SPAST: variants seen among roughly 807,000 people sequenced by gnomAD.
SPAST encodes the protein spastic paraplegia 4 (autosomal dominant; spastin).
In SPAST, 30 loss-of-function variants were observed where a neutral mutation model predicts 76.6. The observed-to-expected ratio is 0.39, with a 90% CI of 0.29 to 0.53. SPAST has a LOEUF of 0.53. Ranked by LOEUF, SPAST falls within the 20% of genes least tolerant of loss-of-function variation. The probability of loss-of-function intolerance (pLI) is 0.68; values close to 1 mark genes in which losing one functional copy is unlikely to be tolerated. For synonymous variants in SPAST, 305 were observed against 281.0 expected, an observed-to-expected ratio of 1.09 and a Z score of -0.86; for missense variants, 717 against 770.5, an observed-to-expected ratio of 0.93 and a Z score of 0.82.
intron 1 of SPAST, among the ~76,000 whole-genome samples, chr2:32,066,287 C>CT (rs1676507851): frequency 6.6e-6 from 1 of 152,106 alleles, no homozygotes. Flanking sequence ...AAGCTCCATT[C>CT]TTTATCACCT....
chr2:32,110,364 C>T (rs895066456), intron 4 of SPAST, among the ~76,000 whole-genome samples: 15 of 149,144 alleles, frequency 1.0e-4, no homozygotes, highest in East Asian at 5.9e-4. Flanking sequence ...GTGATCCACC[C>T]GCCTCGGCCT....
chr2:32,138,610 T>C (rs770295474), intron 12 of SPAST, among the ~76,000 whole-genome samples: 2 of 152,174 alleles, frequency 1.3e-5, no homozygotes, highest in Non-Finnish European at 2.9e-5. Flanking sequence ...GTTCTGTAGA[T>C]TGTCTGTTTA....
intron 16 of SPAST, among the ~76,000 whole-genome samples, chr2:32,151,770 C>T (rs188004821): frequency 9.2e-5 from 14 of 152,090 alleles, no homozygotes; most frequent in African/African-American, 2.4e-4. Context: ...ATTAGCCGGG[C>T]GTGGTGGCAC....
chr2:32,123,120 G>C (rs1679071795), intron 7 of SPAST, among the ~76,000 whole-genome samples: 1 of 152,030 alleles, frequency 6.6e-6, no homozygotes, highest in Non-Finnish European at 1.5e-5. Context: ...AAATTAGCTG[G>C]GCATGGTGGC....
intron 4 of SPAST, among the ~76,000 whole-genome samples, chr2:32,101,407 T>C (rs1239375687): frequency 3.3e-5 from 5 of 152,216 alleles, no homozygotes; most frequent in African/African-American, 7.2e-5. Context: ...TCCCATTCTA[T>C]AGGTTGCCTG....
intron 9 of SPAST, among the ~76,000 whole-genome samples, chr2:32,132,529 CTTT>C (rs34112329): frequency 5.7e-4 from 85 of 148,188 alleles, no homozygotes; most frequent in Admixed American, 2.4e-3. Flanking sequence ...AAAACTCAAT[CTTT>C]TTTTTTTTTT....
chr2:32,118,110 T>C (rs1395428793), intron 7 of SPAST, among the ~76,000 whole-genome samples: 2 of 152,212 alleles, frequency 1.3e-5, no homozygotes, highest in African/African-American at 4.8e-5. Flanking sequence ...ATTTCACTAT[T>C]AACATTAAAA....
chr2:32,118,935 A>G (rs1019947820), intron 7 of SPAST, among the ~76,000 whole-genome samples: 11 of 152,192 alleles, frequency 7.2e-5, no homozygotes, highest in African/African-American at 2.7e-4. Flanking sequence ...GTGAATTTGA[A>G]TTTAGGCATA....
At chr2:32,147,345 GTTTTT>G (rs71407417) in intron 16 of SPAST, 87 bp downstream of exon 16, 434 of 162,422 alleles carry the variant, frequency 2.7e-3, no homozygotes, top group Middle Eastern at 5.2e-3. Context: ...TGTGTGTGTG[GTTTTT>G]TTTTTTTTTT....
At chr2:32,094,034 T>C (rs1297966896) in intron 3 of SPAST, among the ~76,000 whole-genome samples, 2 of 152,136 alleles carry the variant, frequency 1.3e-5, no homozygotes, top group African/African-American at 4.8e-5. Context: ...ATTCTCTCCA[T>C]TTTCCATCCT....
chr2:32,068,857 T>A (rs1487029148), intron 1 of SPAST, among the ~76,000 whole-genome samples: 1 of 148,906 alleles, frequency 6.7e-6, no homozygotes, highest in Non-Finnish European at 1.5e-5. Flanking sequence ...TCTCACCCAT[T>A]GCACTCCTGC....
Position 32,154,533 on chromosome 2 carries a change from A to C in SPAST, c.*37A>C. 1 of 1,607,784 alleles carries C rather than the reference A, an allele frequency of 6.2e-7. No homozygotes were observed. Among genetic ancestry groups the C allele is most frequent in the Non-Finnish European group, 8.5e-7 (1 of 1,174,552 alleles). On this transcript the variant is annotated 3_prime_UTR_variant, in exon 17 of 17. Transcript: ENST00000315285. ...TGTAAACCTGCAGAACATTTTACTT[A>C]AAAGAGGAAACACAAGATCTTCAAT...
In SPAST at chr2:32,121,603, C is replaced by T. The variant is rs187829784; in HGVS notation, c.1099-5345C>T. ...TCACCCAGGCTGGAGTGCAGTGGTG[C>T]GATCTCAGCTCACTGCGCCCTTCGC... On this transcript the variant is annotated intron_variant, in intron 7 of 16. Coordinates refer to ENST00000315285, the MANE Select transcript of SPAST (RefSeq NM_014946.4). Among the ~76,000 whole-genome samples the T allele has an allele frequency of 9.5e-3, 1,266 of 133,552 alleles. 12 individuals are homozygous for T. Among genetic ancestry groups the T allele is most frequent in the South Asian group, 0.019 (80 of 4,278 alleles). 87.6% of individuals were successfully genotyped at this position (133,552 alleles called of 152,430 possible).
intron 1 of SPAST, among the ~76,000 whole-genome samples, chr2:32,076,944 C>T (rs1676985471): frequency 2.0e-5 from 3 of 152,028 alleles, no homozygotes; most frequent in South Asian, 4.2e-4. Context: ...GGCACAATCT[C>T]GGCTCACTGC....
At chr2:32,092,796 T>C (rs1166108983) in intron 3 of SPAST, among the ~76,000 whole-genome samples, 2 of 151,866 alleles carry the variant, frequency 1.3e-5, no homozygotes, top group Admixed American at 1.3e-4. Context: ...TCACCTGAGG[T>C]CAGGAGTTCA....
chr2:32,142,691 C>T (rs1184985733), intron 13 of SPAST, among the ~76,000 whole-genome samples: 2 of 152,134 alleles, frequency 1.3e-5, no homozygotes, highest in African/African-American at 2.4e-5. Flanking sequence ...TCACCGTGCC[C>T]GGCCAGAAAT....
intron 1 of SPAST, among the ~76,000 whole-genome samples, chr2:32,084,880 T>C (rs1573064029): frequency 1.3e-5 from 1 of 79,528 alleles, no homozygotes; most frequent in East Asian, 3.7e-4. Flanking sequence ...AGAGTGAGAC[T>C]CCGTCTCAAA....
intron 3 of SPAST, among the ~76,000 whole-genome samples, chr2:32,092,068 A>G (rs896036930): frequency 6.6e-6 from 1 of 152,174 alleles, no homozygotes; most frequent in Non-Finnish European, 1.5e-5. Context: ...GTAGAAAGAT[A>G]TATTCATAAA....
chr2:32,145,550 G>C (rs1363439438), intron 15 of SPAST, among the ~76,000 whole-genome samples: 6 of 152,210 alleles, frequency 3.9e-5, no homozygotes, highest in African/African-American at 1.4e-4. Flanking sequence ...ATAATGTAAG[G>C]AAAATGTTCT....
Sources: allele counts gnomAD v4.1 joint callset (sites outside exome capture counted in the v4.1 genomes callset), GRCh38; gene constraint gnomAD v4.1.1; transcripts MANE v1.5; gene names NCBI Gene and HGNC (gene_info 2026-07-23, HGNC 2026-07-21).